LRRTM4: variants seen among roughly 807,000 people sequenced by gnomAD.
LRRTM4 encodes the protein leucine-rich repeat transmembrane neuronal protein 4.
In LRRTM4, 25 loss-of-function variants were observed where a neutral mutation model predicts 47.6. The ratio of observed to expected loss-of-function variants is 0.53; its 90% CI spans 0.38 to 0.73. The LOEUF (loss-of-function observed/expected upper bound fraction) is 0.73. Among genes scored for constraint, LRRTM4 ranks in the 30% least tolerant of loss-of-function variants. The probability of loss-of-function intolerance (pLI) is 0.00; values close to 1 mark genes in which losing one functional copy is unlikely to be tolerated. For synonymous variants in LRRTM4, 311 were observed against 269.5 expected, an observed-to-expected ratio of 1.15 and a Z score of -1.51; for missense variants, 638 against 713.4, an observed-to-expected ratio of 0.89 and a Z score of 1.20.
At chr2:77,501,747 T>C (rs1678577823) in intron 3 of LRRTM4, among the ~76,000 whole-genome samples, 1 of 151,314 alleles carries the variant, frequency 6.6e-6, no homozygotes, top group Admixed American at 6.6e-5. Flanking sequence ...GCTAAAGGAT[T>C]AATAAACTAC....
intron 3 of LRRTM4, among the ~76,000 whole-genome samples, chr2:77,231,881 G>A (rs775521778): frequency 3.9e-5 from 6 of 152,126 alleles, no homozygotes; most frequent in Non-Finnish European, 5.9e-5. Flanking sequence ...ATCCACCCAG[G>A]ATGAAAAACT....
At chr2:76,892,017 A>G (rs1216832665) in intron 3 of LRRTM4, among the ~76,000 whole-genome samples, 1 of 151,732 alleles carries the variant, frequency 6.6e-6, no homozygotes, top group East Asian at 1.9e-4. Context: ...AAATTGCAGA[A>G]TAGCCTGTAT....
At chr2:77,411,618 A>ATTTTTTTTTTTTTTTTT (rs1222177148) in intron 3 of LRRTM4, among the ~76,000 whole-genome samples, 7 of 64,798 alleles carry the variant, frequency 1.1e-4, no homozygotes, top group Admixed American at 4.6e-4. Context: ...ATGCCCGGCT[A>ATTTTTTTTTTTTTTTTT]TTTTTTTTTT....
At chr2:76,947,765 C>T (rs1018091627) in intron 3 of LRRTM4, among the ~76,000 whole-genome samples, 8 of 151,784 alleles carry the variant, frequency 5.3e-5, no homozygotes, top group Non-Finnish European at 1.0e-4. Context: ...TAATACAATA[C>T]ACCCACTAAC....
At chr2:77,052,150 CTTTTTTTT>C (rs70939841) in intron 3 of LRRTM4, among the ~76,000 whole-genome samples, 11 of 63,598 alleles carry the variant, frequency 1.7e-4, no homozygotes, top group African/African-American at 7.5e-4. Context: ...GTTACATTTC[CTTTTTTTT>C]TTTTTTTTTT....
At chr2:77,002,593 T>C (rs944889174) in intron 3 of LRRTM4, among the ~76,000 whole-genome samples, 3 of 152,160 alleles carry the variant, frequency 2.0e-5, no homozygotes, top group African/African-American at 4.8e-5. Flanking sequence ...CAGAGCATTC[T>C]TTCAAAAATG....
chr2:76,995,149 C>A (rs1454300169), intron 3 of LRRTM4, among the ~76,000 whole-genome samples: 1 of 151,948 alleles, frequency 6.6e-6, no homozygotes, highest in African/African-American at 2.4e-5. Context: ...ATATAAGAGA[C>A]AGAAAGAAAG....
At chr2:77,189,438 A>T (rs866467680) in intron 3 of LRRTM4, among the ~76,000 whole-genome samples, 1 of 152,118 alleles carries the variant, frequency 6.6e-6, no homozygotes, top group African/African-American at 2.4e-5. Flanking sequence ...CCTAACCCCA[A>T]TGTGATGTTA....
At chr2:77,275,087 A>C (rs1279672045) in intron 3 of LRRTM4, among the ~76,000 whole-genome samples, 1 of 152,132 alleles carries the variant, frequency 6.6e-6, no homozygotes. Context: ...CATAAGAGAA[A>C]AAATGGTAAG....
At chr2:77,003,664 T>C (rs1031583956) in intron 3 of LRRTM4, among the ~76,000 whole-genome samples, 1 of 152,164 alleles carries the variant, frequency 6.6e-6, no homozygotes, top group Non-Finnish European at 1.5e-5. Flanking sequence ...CAGTCTCAGG[T>C]ATGTCTTTAT....
intron 3 of LRRTM4, among the ~76,000 whole-genome samples, chr2:76,857,197 A>T (rs1295059352): frequency 6.6e-6 from 1 of 151,340 alleles, no homozygotes; most frequent in Non-Finnish European, 1.5e-5. Context: ...GAAAACCTTT[A>T]TGATAATGTA....
chr2:77,111,283 A>ATTTTTTTTTTT (rs71381260), intron 3 of LRRTM4, among the ~76,000 whole-genome samples: 16 of 113,154 alleles, frequency 1.4e-4, no homozygotes, highest in African/African-American at 2.9e-4. Flanking sequence ...ACACCTGGCT[A>ATTTTTTTTTTT]TTTTTTTTTT....
At chr2:77,021,037 G>T (rs1678248306) in intron 3 of LRRTM4, among the ~76,000 whole-genome samples, 1 of 152,092 alleles carries the variant, frequency 6.6e-6, no homozygotes, top group Non-Finnish European at 1.5e-5. Context: ...TTTTCAGTTT[G>T]TGGGTCCCTG....
chr2:77,451,333 A>T (rs886598411), intron 3 of LRRTM4, among the ~76,000 whole-genome samples: 1 of 152,204 alleles, frequency 6.6e-6, no homozygotes, highest in Non-Finnish European at 1.5e-5. Flanking sequence ...CAATGCCTAT[A>T]AAAGGCAATC....
chr2:76,837,536 T>C (rs1671549482), intron 3 of LRRTM4, among the ~76,000 whole-genome samples: 1 of 152,164 alleles, frequency 6.6e-6, no homozygotes, highest in African/African-American at 2.4e-5. Context: ...AATTTCCCTC[T>C]ATACACTGCT....
At chr2:76,852,139 A>C (rs1038768398) in intron 3 of LRRTM4, among the ~76,000 whole-genome samples, 2 of 152,146 alleles carry the variant, frequency 1.3e-5, no homozygotes, top group Non-Finnish European at 2.9e-5. Flanking sequence ...TTATCACAAC[A>C]ACCATATTGA....
chr2:76,796,611 A>G (rs1282687219), intron 3 of LRRTM4, among the ~76,000 whole-genome samples: 1 of 109,516 alleles, frequency 9.1e-6, no homozygotes, highest in Non-Finnish European at 1.7e-5. Flanking sequence ...TCTCTGTTAG[A>G]AGGAAAACTA....
chr2:76,807,480 A>ACG, intron 3 of LRRTM4, among the ~76,000 whole-genome samples: 4 of 136,974 alleles, frequency 2.9e-5, no homozygotes, highest in South Asian at 2.2e-4. Flanking sequence ...ACATATATAT[A>ACG]TATATACATA....
intron 3 of LRRTM4, among the ~76,000 whole-genome samples, chr2:76,961,225 A>G (rs1334984081): frequency 6.6e-6 from 1 of 151,476 alleles, no homozygotes; most frequent in African/African-American, 2.4e-5. Flanking sequence ...GTAAATAAAT[A>G]TCTAATATAA....
Sources: allele counts gnomAD v4.1 joint callset (sites outside exome capture counted in the v4.1 genomes callset), GRCh38; gene constraint gnomAD v4.1.1; transcripts MANE v1.5; gene names NCBI Gene and HGNC (gene_info 2026-07-23, HGNC 2026-07-21).